SMIM41: variants seen among roughly 807,000 people sequenced by gnomAD.
SMIM41 encodes the protein small integral membrane protein 41.
chr12:52,090,737 A>T (rs1327365140), intron 2 of SMIM41, among the ~76,000 whole-genome samples: 1 of 152,212 alleles, frequency 6.6e-6, no homozygotes, highest in African/African-American at 2.4e-5. Context: ...GGCAGAGAGG[A>T]AAGACTGGGC....
chr12:52,089,538 G>A (rs1435291649), intron 2 of SMIM41, among the ~76,000 whole-genome samples: 1 of 152,144 alleles, frequency 6.6e-6, no homozygotes, highest in Non-Finnish European at 1.5e-5. Context: ...AGGCTGCAGT[G>A]AGCCATGATT....
intron 2 of SMIM41, among the ~76,000 whole-genome samples, chr12:52,087,240 C>G (rs569110219): frequency 6.6e-6 from 1 of 152,242 alleles, no homozygotes; most frequent in Non-Finnish European, 1.5e-5. Context: ...CTCCTTAACT[C>G]GATTCTTCAG....
At chr12:52,083,701 G>A (rs112328497) in intron 1 of SMIM41, among the ~76,000 whole-genome samples, 193 bp from the exon 2 acceptor site, 4,491 of 152,352 alleles carry the variant, frequency 0.029, 86 homozygotes, top group South Asian at 0.073. Flanking sequence ...AGTGGGTATC[G>A]TGAGCATGTG....
At chr12:52,098,367 G>T (rs1208309777) in intron 2 of SMIM41, among the ~76,000 whole-genome samples, 1 of 151,946 alleles carries the variant, frequency 6.6e-6, no homozygotes, top group Non-Finnish European at 1.5e-5. Flanking sequence ...TTCAGGTGGG[G>T]TATACACCAC....
chr12:52,099,042 C>T (rs1470461771), intron 2 of SMIM41, among the ~76,000 whole-genome samples: 1 of 151,850 alleles, frequency 6.6e-6, no homozygotes, highest in East Asian at 1.9e-4. Flanking sequence ...AAGAGTATCA[C>T]AGGCTGTGTA....
chr12:52,084,924 G>A (rs1331384219), intron 2 of SMIM41: 2 of 152,430 alleles, frequency 1.3e-5, no homozygotes, highest in Middle Eastern at 3.4e-3. Flanking sequence ...CTGGACCAGG[G>A]GTAAGAAGAG....
At chr12:52,088,431 C>T (rs1192626933) in intron 2 of SMIM41, among the ~76,000 whole-genome samples, 1 of 152,146 alleles carries the variant, frequency 6.6e-6, no homozygotes, top group African/African-American at 2.4e-5. Flanking sequence ...GAAGGGACAC[C>T]AAGAGGCTAG....
chr12:52,085,141 G>A (rs1032455560), intron 2 of SMIM41, among the ~76,000 whole-genome samples: 2 of 152,308 alleles, frequency 1.3e-5, no homozygotes, highest in East Asian at 3.9e-4. Flanking sequence ...AGAAGGGAGC[G>A]TATTGTCCCA....
chr12:52,098,248 AT>A (rs1940137831), intron 2 of SMIM41, among the ~76,000 whole-genome samples: 2 of 151,934 alleles, frequency 1.3e-5, no homozygotes, highest in African/African-American at 4.8e-5. Flanking sequence ...GACTAATATC[AT>A]CCTCCCGTCC....
intron 2 of SMIM41, among the ~76,000 whole-genome samples, chr12:52,086,378 C>G (rs181089591): frequency 1.3e-5 from 2 of 152,126 alleles, no homozygotes; most frequent in Admixed American, 1.3e-4. Context: ...TCTGGTTCTG[C>G]GAGCCCACTG....
At chr12:52,097,261 A>C (rs1458791209) in intron 2 of SMIM41, among the ~76,000 whole-genome samples, 1 of 151,918 alleles carries the variant, frequency 6.6e-6, no homozygotes, top group Non-Finnish European at 1.5e-5. Context: ...CGATGCGGGG[A>C]GTACTATCAC....
intron 2 of SMIM41, among the ~76,000 whole-genome samples, chr12:52,088,110 T>C (rs1310525433): frequency 6.6e-6 from 1 of 152,304 alleles, no homozygotes; most frequent in Non-Finnish European, 1.5e-5. Flanking sequence ...GTGTTGTACA[T>C]GAGACAGAGG....
At chr12:52,087,208 C>T (rs529027085) in intron 2 of SMIM41, among the ~76,000 whole-genome samples, 12 of 152,348 alleles carry the variant, frequency 7.9e-5, no homozygotes, top group East Asian at 5.8e-4. Context: ...CCCTCCACCC[C>T]GGTGCTGAGC....
intron 1 of SMIM41, among the ~76,000 whole-genome samples, chr12:52,080,881 G>A (rs974829463): frequency 6.6e-6 from 1 of 152,172 alleles, no homozygotes; most frequent in East Asian, 1.9e-4. Flanking sequence ...TGGGGAGGGG[G>A]TGGTGAAGGG....
chr12:52,107,479 G>C lies in SMIM41; in HGVS notation c.*296G>C. ...GAACCTGCTCATCATCCGGCCATGA[G>C]CCCTGACTCCCACCTCCACACCTCC... On this transcript the variant is annotated 3_prime_UTR_variant, in exon 3 of 3. Transcript: ENST00000546390. 2 of 667,118 alleles carry C rather than the reference G, an allele frequency of 3.0e-6. No individual in the cohort carries two copies. The highest frequency in any genetic ancestry group is 5.6e-6 in the Non-Finnish European group (2 of 358,548). The allele number at this position is 667,118 out of a possible 1,614,324, so 41.3% of individuals were successfully genotyped here.
intron 2 of SMIM41, among the ~76,000 whole-genome samples, chr12:52,088,759 G>A (rs1005657555): frequency 6.6e-6 from 1 of 152,176 alleles, no homozygotes; most frequent in African/African-American, 2.4e-5. Flanking sequence ...TGGCCACACT[G>A]TCTGGTCCCT....
intron 2 of SMIM41, among the ~76,000 whole-genome samples, chr12:52,101,314 A>G (rs1463272688): frequency 6.6e-6 from 1 of 152,124 alleles, no homozygotes; most frequent in Non-Finnish European, 1.5e-5. Context: ...AGTCTCAGCT[A>G]CTCGGAAGGC....
chr12:52,082,973 T>C (rs774624894), intron 1 of SMIM41, among the ~76,000 whole-genome samples: 14 of 152,148 alleles, frequency 9.2e-5, no homozygotes, highest in Non-Finnish European at 1.8e-4. Context: ...GGGAGATACC[T>C]GGCTTGTGGT....
At chr12:52,080,574 C>G (rs2701114) in intron 1 of SMIM41, among the ~76,000 whole-genome samples, 2 of 152,292 alleles carry the variant, frequency 1.3e-5, no homozygotes, top group African/African-American at 4.8e-5. Context: ...TAGCCCCCAC[C>G]CTCACCTCCA....
Sources: gnomAD v4.1 joint callset for allele counts (sites outside exome capture counted in the v4.1 genomes callset) on GRCh38, gnomAD v4.1.1 for gene constraint, MANE v1.5 for transcripts, NCBI Gene and HGNC (gene_info 2026-07-23, HGNC 2026-07-21) for gene names.